DLGAP1: variants seen among roughly 807,000 people sequenced by gnomAD.
DLGAP1 encodes disks large-associated protein 1.
DLGAP1 carries 11 observed loss-of-function variants against 90.8 expected under a neutral mutation model. The observed-to-expected ratio is 0.12, with a 90% CI of 0.08 to 0.20. The LOEUF (loss-of-function observed/expected upper bound fraction) is 0.20. Ranked by LOEUF, DLGAP1 falls within the 10% of genes least tolerant of loss-of-function variation. DLGAP1 has a pLI of 1.00. For synonymous variants in DLGAP1, 558 were observed against 540.7 expected (o/e 1.03, Z -0.44); for missense variants, 1,050 against 1,333.8 (o/e 0.79, Z 3.31).
At chr18:3,949,232 C>T (rs1163895989) in intron 3 of DLGAP1, among the ~76,000 whole-genome samples, 1 of 152,164 alleles carries the variant, frequency 6.6e-6, no homozygotes, top group Middle Eastern at 3.2e-3. Flanking sequence ...ATTTCCCAGC[C>T]TCCCTTACAA....
At chr18:3,671,025 G>T (rs1217518809) in intron 7 of DLGAP1, among the ~76,000 whole-genome samples, 1 of 152,144 alleles carries the variant, frequency 6.6e-6, no homozygotes, top group Non-Finnish European at 1.5e-5. Context: ...ACCTGAGCCA[G>T]TATTACTTCT....
intron 1 of DLGAP1, among the ~76,000 whole-genome samples, chr18:4,193,806 T>C (rs1237774245): frequency 6.6e-6 from 1 of 152,160 alleles, no homozygotes; most frequent in Non-Finnish European, 1.5e-5. Context: ...TTTTTCTGTT[T>C]TGAATATATT....
intron 2 of DLGAP1, among the ~76,000 whole-genome samples, chr18:4,102,385 G>A (rs1421897637): frequency 6.6e-6 from 1 of 152,140 alleles, no homozygotes; most frequent in Admixed American, 6.5e-5. Flanking sequence ...GAGCCATATT[G>A]GGTTTAGGCA....
At chr18:3,848,156 A>AAAAAAAAAAAC in intron 4 of DLGAP1, among the ~76,000 whole-genome samples, 1 of 128,566 alleles carries the variant, frequency 7.8e-6, no homozygotes. Flanking sequence ...AAAAAAAAAA[A>AAAAAAAAAAAC]AAGCCAAGGA....
chr18:4,406,094 G>A (rs964172703), intron 1 of DLGAP1, among the ~76,000 whole-genome samples: 1 of 152,222 alleles, frequency 6.6e-6, no homozygotes, highest in Middle Eastern at 3.4e-3. Context: ...AGAGACTTAC[G>A]TTACAAAGTT....
intron 11 of DLGAP1, among the ~76,000 whole-genome samples, chr18:3,507,614 T>C (rs1171702034): frequency 6.6e-6 from 1 of 152,158 alleles, no homozygotes. Flanking sequence ...AGATCATATT[T>C]TAAGTAATTT....
At chr18:3,909,992 T>C (rs1445053832) in intron 3 of DLGAP1, among the ~76,000 whole-genome samples, 3 of 151,980 alleles carry the variant, frequency 2.0e-5, no homozygotes, top group Non-Finnish European at 4.4e-5. Flanking sequence ...TCATTTCTTA[T>C]GGGTTCAATG....
chr18:3,889,652 G>T (rs1477059698), intron 3 of DLGAP1, among the ~76,000 whole-genome samples: 5 of 152,168 alleles, frequency 3.3e-5, no homozygotes, highest in Non-Finnish European at 5.9e-5. Context: ...GACTGTTGAA[G>T]GTGATCACCA....
At chr18:4,137,097 G>C (rs1363235484) in intron 2 of DLGAP1, among the ~76,000 whole-genome samples, 1 of 151,614 alleles carries the variant, frequency 6.6e-6, no homozygotes, top group East Asian at 1.9e-4. Flanking sequence ...TCCCCTTCCT[G>C]TGTCCATGTG....
intron 3 of DLGAP1, among the ~76,000 whole-genome samples, chr18:3,926,791 G>A (rs1378623501): frequency 6.6e-6 from 1 of 152,066 alleles, no homozygotes; most frequent in Non-Finnish European, 1.5e-5. Context: ...ATAGCACCCA[G>A]GAGTTGAGTT....
chr18:4,413,785 T>C (rs1231227091), intron 1 of DLGAP1, among the ~76,000 whole-genome samples: 1 of 152,212 alleles, frequency 6.6e-6, no homozygotes, highest in Admixed American at 6.5e-5. Flanking sequence ...GTTCTCTTTC[T>C]TATCTGGGGG....
chr18:3,532,250 C>T (rs2052054266), intron 10 of DLGAP1, among the ~76,000 whole-genome samples: 1 of 152,078 alleles, frequency 6.6e-6, no homozygotes, highest in Non-Finnish European at 1.5e-5. Flanking sequence ...CATGGGGACT[C>T]ATCATGTTAA....
intron 2 of DLGAP1, among the ~76,000 whole-genome samples, chr18:4,097,879 T>A (rs1056890326): frequency 2.6e-5 from 4 of 152,200 alleles, no homozygotes; most frequent in African/African-American, 9.6e-5. Flanking sequence ...TCAGCATAAT[T>A]TTAATCTCTC....
chr18:4,006,971 C>T (rs567544646), intron 2 of DLGAP1, among the ~76,000 whole-genome samples: 83 of 152,086 alleles, frequency 5.5e-4, no homozygotes, highest in African/African-American at 1.9e-3. Context: ...ATGCAGTGTT[C>T]TATGAAGTGC....
At chr18:3,887,180 G>C (rs1157221648) in intron 3 of DLGAP1, among the ~76,000 whole-genome samples, 1 of 152,208 alleles carries the variant, frequency 6.6e-6, no homozygotes, top group African/African-American at 2.4e-5. Context: ...TCTGCAGAGG[G>C]AGTCTGTGTG....
intron 2 of DLGAP1, among the ~76,000 whole-genome samples, chr18:4,097,551 G>A (rs1157140386): frequency 2.0e-5 from 3 of 152,096 alleles, no homozygotes; most frequent in Admixed American, 2.0e-4. Flanking sequence ...AGGAGTTTAG[G>A]CTGATTTATC....
chr18:4,066,371 C>T lies in DLGAP1; in HGVS notation c.-158-61170G>A, dbSNP rs183415861. On this transcript the variant is annotated intron_variant, in intron 2 of 12. Coordinates refer to ENST00000315677, the MANE Select transcript of DLGAP1 (RefSeq NM_004746.4). ...AAAAAATAAAAATGAAAAAATAAAACTATCAACAGAGTAAACAGACAACCT... is the reference window on the plus strand; with the variant it reads ...AAAAAATAAAAATGAAAAAATAAAATTATCAACAGAGTAAACAGACAACCT... Among the ~76,000 whole-genome samples the T allele has an allele frequency of 5.1e-3, 782 of 152,048 alleles. 3 individuals are homozygous for T. Among genetic ancestry groups the T allele is most frequent in the Middle Eastern group, 0.014 (4 of 294 alleles).
At chr18:4,443,485 G>T (rs959440326) in intron 1 of DLGAP1, among the ~76,000 whole-genome samples, 11 of 152,078 alleles carry the variant, frequency 7.2e-5, no homozygotes, top group African/African-American at 2.7e-4. Flanking sequence ...ATAAATATAG[G>T]GTCCTAAACA....
intron 1 of DLGAP1, among the ~76,000 whole-genome samples, chr18:4,280,302 C>T (rs1381449453): frequency 2.6e-5 from 4 of 152,102 alleles, no homozygotes; most frequent in Non-Finnish European, 5.9e-5. Flanking sequence ...TTATTGGAAA[C>T]AATCTTGCCA....
Sources: gnomAD v4.1 joint callset for allele counts (sites outside exome capture counted in the v4.1 genomes callset) on GRCh38, gnomAD v4.1.1 for gene constraint, MANE v1.5 for transcripts, NCBI Gene and HGNC (gene_info 2026-07-23, HGNC 2026-07-21) for gene names.